Variants in LRMDA observed in about 807,000 individuals in gnomAD.
LRMDA encodes leucine rich melanocyte differentiation associated.
LRMDA carries 18 observed loss-of-function variants against 29.8 expected under a neutral mutation model. That is an observed-to-expected ratio of 0.60 (90% CI 0.42 to 0.90). LRMDA has a LOEUF of 0.90. Among genes scored for constraint, LRMDA ranks in the 40% least tolerant of loss-of-function variants. The probability of loss-of-function intolerance (pLI) is 0.00; values close to 1 mark genes in which losing one functional copy is unlikely to be tolerated. For missense variants in LRMDA, 273 were observed against 273.9 expected, an observed-to-expected ratio of 1.00 and a Z score of 0.02; for synonymous variants, 125 against 109.4, an observed-to-expected ratio of 1.14 and a Z score of -0.89.
chr10:76,414,040 A>G (rs2132511858), intron 6 of LRMDA, among the ~76,000 whole-genome samples: 1 of 152,314 alleles, frequency 6.6e-6, no homozygotes, highest in African/African-American at 2.4e-5. Flanking sequence ...CTTCAAACCC[A>G]GGCAGAATGA....
intron 6 of LRMDA, among the ~76,000 whole-genome samples, chr10:76,461,345 T>C (rs1842509906): frequency 6.6e-6 from 1 of 152,138 alleles, no homozygotes; most frequent in African/African-American, 2.4e-5. Flanking sequence ...TGAACTTCAC[T>C]GCCAGTGAAC....
intron 2 of LRMDA, among the ~76,000 whole-genome samples, chr10:75,711,972 T>C (rs1842441568): frequency 6.6e-6 from 1 of 151,970 alleles, no homozygotes; most frequent in African/African-American, 2.4e-5. Context: ...TACATATATA[T>C]ATAACTTGAA....
intron 2 of LRMDA, among the ~76,000 whole-genome samples, chr10:75,452,870 G>T (rs1339976170): frequency 6.6e-6 from 1 of 152,170 alleles, no homozygotes; most frequent in African/African-American, 2.4e-5. Flanking sequence ...ACTGCTTAGT[G>T]TGGTCACTTG....
chr10:76,253,706 A>G (rs546488081), intron 5 of LRMDA, among the ~76,000 whole-genome samples: 3 of 152,282 alleles, frequency 2.0e-5, no homozygotes, highest in African/African-American at 7.2e-5. Context: ...ATCAACAAAA[A>G]TATTTGCCCA....
chr10:76,439,150 A>G (rs1340195522), intron 6 of LRMDA, among the ~76,000 whole-genome samples: 1 of 152,224 alleles, frequency 6.6e-6, no homozygotes, highest in African/African-American at 2.4e-5. Flanking sequence ...TAACAAAGAC[A>G]AACATACACA....
At chr10:76,529,058 G>T (rs959213208) in intron 6 of LRMDA, among the ~76,000 whole-genome samples, 10 of 152,078 alleles carry the variant, frequency 6.6e-5, no homozygotes, top group African/African-American at 2.2e-4. Context: ...AGAAAATCTC[G>T]CATGTCAATG....
intron 6 of LRMDA, among the ~76,000 whole-genome samples, chr10:76,378,155 TG>T (rs1841544361): frequency 6.6e-6 from 1 of 152,176 alleles, no homozygotes. Flanking sequence ...CTATTGTAAA[TG>T]GGATTGACTT....
chr10:75,604,100 C>T (rs921354544), intron 2 of LRMDA, among the ~76,000 whole-genome samples: 1 of 152,084 alleles, frequency 6.6e-6, no homozygotes, highest in Non-Finnish European at 1.5e-5. Context: ...GATTGTGACC[C>T]CCCAATGTGC....
intron 2 of LRMDA, among the ~76,000 whole-genome samples, chr10:75,597,289 A>G (rs1306042927): frequency 6.6e-6 from 1 of 152,214 alleles, no homozygotes; most frequent in Non-Finnish European, 1.5e-5. Flanking sequence ...TTTAGTAAGA[A>G]AAGTGGTCTG....
At position 75,813,684 on chromosome 10, in the gene LRMDA, A is replaced by ATT. The variant is rs543530954; in HGVS notation, c.132-222322_132-222321dup. On this transcript the variant is annotated intron_variant, in intron 2 of 6. Coordinates refer to ENST00000611255, the MANE Select transcript of LRMDA (RefSeq NM_001305581.2). ...ACAATATATGTTTTGTTTAGGTTAT[A>ATT]TTTGTTGTATTATAGATACAACTTT... is the stretch of plus-strand genomic sequence containing the variant. 8.5e-5 allele frequency among the ~76,000 whole-genome samples: 13 copies of ATT among 152,336 alleles called. No homozygotes were observed. The East Asian group carries it at 2.1e-3, about 25-fold the overall frequency.
intron 2 of LRMDA, among the ~76,000 whole-genome samples, chr10:75,817,971 A>T (rs755727042): frequency 9.2e-5 from 14 of 152,188 alleles, no homozygotes; most frequent in South Asian, 2.1e-4. Context: ...CCATTTTACC[A>T]TCTTGGCTTG....
chr10:75,656,202 T>A (rs976778436), intron 2 of LRMDA, among the ~76,000 whole-genome samples: 1 of 152,228 alleles, frequency 6.6e-6, no homozygotes, highest in Non-Finnish European at 1.5e-5. Context: ...GAAATTAGCC[T>A]GATGACTAAT....
chr10:76,476,067 G>A (rs1236767957), intron 6 of LRMDA, among the ~76,000 whole-genome samples: 3 of 151,874 alleles, frequency 2.0e-5, no homozygotes, highest in Non-Finnish European at 4.4e-5. Context: ...AACTGAAGGA[G>A]ATAGAGACAC....
rs557903658 is a variant in LRMDA, at chr10:76,429,097, G to A, written c.601+104612G>A. On this transcript the variant is annotated intron_variant, in intron 6 of 6. Transcript: ENST00000611255. ...CATGCCACTGCCTTTTTCAAGATAG[G>A]AGGAATCCCTTAACTAGTTATTTCA... is the stretch of plus-strand genomic sequence containing the variant. 8.6e-5 allele frequency among the ~76,000 whole-genome samples: 13 copies of A among 151,328 alleles called. No homozygotes were observed. In the East Asian group the frequency reaches 2.5e-3, roughly 29 times the overall value.
At chr10:75,657,691 G>A (rs1182097652) in intron 2 of LRMDA, among the ~76,000 whole-genome samples, 1 of 152,162 alleles carries the variant, frequency 6.6e-6, no homozygotes, top group Non-Finnish European at 1.5e-5. Context: ...AGTGGAAATG[G>A]CATTTGACCT....
chr10:76,110,510 T>C (rs755090053), intron 5 of LRMDA, among the ~76,000 whole-genome samples: 5 of 152,104 alleles, frequency 3.3e-5, no homozygotes, highest in African/African-American at 1.2e-4. Context: ...GGTGACAGGG[T>C]TTGGCTGTGG....
rs1421265259 is a variant in LRMDA, at chr10:76,337,060, G to C, written c.601+12575G>C. Among the ~76,000 whole-genome samples the C allele has an allele frequency of 2.0e-5, 3 of 152,096 alleles. No homozygotes were observed. In the East Asian group the frequency reaches 5.8e-4, roughly 29 times the overall value. On this transcript the variant is annotated intron_variant, in intron 6 of 6. Coordinates refer to ENST00000611255, the MANE Select transcript of LRMDA (RefSeq NM_001305581.2). ...AGGTTAGATAGGGCAGTGAATGTTG[G>C]CATGTCTGCATGATTCTAAAGTACA...
chr10:76,070,765 A>G (rs754254), intron 5 of LRMDA, among the ~76,000 whole-genome samples: 56,336 of 152,130 alleles, frequency 0.37, 11,753 homozygotes, highest in Non-Finnish European at 0.46. Context: ...AAAGAAAGGA[A>G]TGTGAGAGGG....
chr10:76,436,065 A>G (rs1054965661), intron 6 of LRMDA, among the ~76,000 whole-genome samples: 2 of 152,194 alleles, frequency 1.3e-5, no homozygotes, highest in African/African-American at 2.4e-5. Context: ...ATATGAAAAC[A>G]TGATATTGGT....
Sources: gnomAD v4.1 joint callset for allele counts (sites outside exome capture counted in the v4.1 genomes callset) on GRCh38, gnomAD v4.1.1 for gene constraint, MANE v1.5 for transcripts, NCBI Gene and HGNC (gene_info 2026-07-23, HGNC 2026-07-21) for gene names.